Variants in RAB38 observed in about 807,000 individuals in gnomAD.
The protein encoded by RAB38 is RAB38, member RAS oncogene family, also known as ras-related protein Rab-38.
RAB38 carries 15 observed loss-of-function variants against 18.4 expected under a neutral mutation model. The ratio of observed to expected loss-of-function variants is 0.82; its 90% CI spans 0.55 to 1.26. The LOEUF (loss-of-function observed/expected upper bound fraction) is 1.26, where lower values mean the gene tolerates loss of function less well. Among genes scored for constraint, RAB38 ranks in the 50% most tolerant of loss-of-function variants. RAB38 has a pLI of 0.00. For synonymous variants in RAB38, 101 were observed against 104.4 expected, an observed-to-expected ratio of 0.97 and a Z score of 0.20; for missense variants, 294 against 267.4, an observed-to-expected ratio of 1.10 and a Z score of -0.69.
the RAB38 span, among the ~76,000 whole-genome samples, chr11:87,892,931 CTGTT>C: frequency 4.0e-5 from 6 of 151,656 alleles, no homozygotes; most frequent in South Asian, 4.1e-4. Context: ...TTGAAATTGT[CTGTT>C]TGTGTACTTG....
chr11:87,943,575 A>C, the RAB38 span, among the ~76,000 whole-genome samples: 1 of 152,166 alleles, frequency 6.6e-6, no homozygotes, highest in African/African-American at 2.4e-5. Flanking sequence ...AGTGAAATAC[A>C]CGTAATAATA....
chr11:88,015,202 A>C, the RAB38 span, among the ~76,000 whole-genome samples: 1 of 152,146 alleles, frequency 6.6e-6, no homozygotes, highest in Non-Finnish European at 1.5e-5. Context: ...CTATCTAACC[A>C]GCTATACAGT....
At chr11:87,881,724 TC>T in the RAB38 span, among the ~76,000 whole-genome samples, 1 of 150,692 alleles carries the variant, frequency 6.6e-6, no homozygotes, top group South Asian at 2.1e-4. Context: ...TATTTTTTTT[TC>T]CTCAGGTTTC....
the RAB38 span, among the ~76,000 whole-genome samples, chr11:88,076,987 A>AG: frequency 4.6e-5 from 4 of 86,932 alleles, 1 homozygote; most frequent in Non-Finnish European, 1.0e-4. Context: ...AAAGAAAGAA[A>AG]GAAAAGAAAA....
chr11:88,048,402 T>C, the RAB38 span, among the ~76,000 whole-genome samples: 1 of 152,130 alleles, frequency 6.6e-6, no homozygotes, highest in South Asian at 2.1e-4. Flanking sequence ...CAGTGGAAAC[T>C]TCCTACCCCT....
chr11:87,858,821 G>A, the RAB38 span, among the ~76,000 whole-genome samples: 21 of 151,554 alleles, frequency 1.4e-4, no homozygotes, highest in Admixed American at 1.4e-3. Context: ...GGATTTGCAG[G>A]TATTTATTAA....
chr11:88,006,100 C>T, the RAB38 span, among the ~76,000 whole-genome samples: 1 of 151,008 alleles, frequency 6.6e-6, no homozygotes, highest in Non-Finnish European at 1.5e-5. Context: ...AAACATTCAA[C>T]AAAAAATGTG....
At chr11:87,865,042 C>T in the RAB38 span, among the ~76,000 whole-genome samples, 8,821 of 151,680 alleles carry the variant, frequency 0.058, 359 homozygotes, top group Non-Finnish European at 0.083. Context: ...ATTTTTACTG[C>T]ACGTAATATG....
chr11:87,929,083 C>T, the RAB38 span, among the ~76,000 whole-genome samples: 61 of 152,140 alleles, frequency 4.0e-4, no homozygotes, highest in South Asian at 6.2e-3. Flanking sequence ...ACACTGCCCT[C>T]CAGCCTGGGC....
the RAB38 span, among the ~76,000 whole-genome samples, chr11:88,042,448 G>A: frequency 6.6e-6 from 1 of 152,186 alleles, no homozygotes; most frequent in African/African-American, 2.4e-5. Context: ...GACACTGTCA[G>A]CCTCCAGGTT....
intron 2 of RAB38, among the ~76,000 whole-genome samples, chr11:88,117,829 C>T (rs540525947): frequency 6.6e-6 from 1 of 152,284 alleles, no homozygotes; most frequent in African/African-American, 2.4e-5. Flanking sequence ...ATACTTGAAA[C>T]ATGAAATACT....
the RAB38 span, among the ~76,000 whole-genome samples, chr11:87,910,940 A>G: frequency 6.6e-6 from 1 of 151,816 alleles, no homozygotes; most frequent in Non-Finnish European, 1.5e-5. Context: ...GCAGCCTCAA[A>G]GTTCACTTTT....
the RAB38 span, among the ~76,000 whole-genome samples, chr11:87,803,820 A>C: frequency 6.6e-6 from 1 of 152,204 alleles, no homozygotes; most frequent in African/African-American, 2.4e-5. Flanking sequence ...GATGGAAGGA[A>C]TAAAGGGTCA....
At chr11:88,066,637 C>T in the RAB38 span, among the ~76,000 whole-genome samples, 2 of 152,062 alleles carry the variant, frequency 1.3e-5, no homozygotes, top group South Asian at 4.1e-4. Context: ...TAAAATATAT[C>T]TGGATTTGAC....
chr11:87,965,167 C>T, the RAB38 span, among the ~76,000 whole-genome samples: 8 of 152,132 alleles, frequency 5.3e-5, no homozygotes, highest in African/African-American at 1.7e-4. Flanking sequence ...CACAATCACC[C>T]TCAGTTGAGA....
intron 2 of RAB38, among the ~76,000 whole-genome samples, chr11:88,142,173 A>C (rs1477764750): frequency 1.3e-5 from 2 of 152,230 alleles, no homozygotes; most frequent in East Asian, 3.9e-4. Flanking sequence ...AGAAGCATGG[A>C]AACACTTTTG....
At chr11:87,900,967 G>A in the RAB38 span, among the ~76,000 whole-genome samples, 6,852 of 151,428 alleles carry the variant, frequency 0.045, 483 homozygotes, top group African/African-American at 0.16. Flanking sequence ...CCAATCCAAA[G>A]TCTTTCAGCT....
chr11:88,129,914 A>G (rs1353256958), intron 2 of RAB38, among the ~76,000 whole-genome samples: 1 of 151,998 alleles, frequency 6.6e-6, no homozygotes, highest in African/African-American at 2.4e-5. Flanking sequence ...CAATTCTAAT[A>G]TTCATATTCA....
chr11:87,972,217 T>C, the RAB38 span, among the ~76,000 whole-genome samples: 1 of 152,070 alleles, frequency 6.6e-6, no homozygotes, highest in African/African-American at 2.4e-5. Flanking sequence ...ACGCCTTCCT[T>C]AGCCCACATA....
Sources: allele counts gnomAD v4.1 joint callset (sites outside exome capture counted in the v4.1 genomes callset), GRCh38; gene constraint gnomAD v4.1.1; transcripts MANE v1.5; gene names NCBI Gene and HGNC (gene_info 2026-07-23, HGNC 2026-07-21).